The following PXMP2 variants were observed in gnomAD, a reference collection of about 807,000 sequenced individuals.
PXMP2 encodes the protein 22 kDa peroxisomal membrane protein.
A neutral mutation model predicts 20.2 loss-of-function variants in PXMP2; 13 were observed. The observed-to-expected ratio is 0.64, with a 90% CI of 0.42 to 1.02. The LOEUF is 1.02. PXMP2 is among the 50% of genes least tolerant of loss of function. The pLI, the probability that PXMP2 is intolerant of heterozygous loss-of-function variation, is 0.00. For missense variants in PXMP2, 284 were observed against 251.8 expected, an observed-to-expected ratio of 1.13 and a Z score of -0.87; for synonymous variants, 113 against 111.2, an observed-to-expected ratio of 1.02 and a Z score of -0.10.
intron 1 of PXMP2, chr12:132,688,012 GCGTGGAGGGCCCGCCCAGAC>G (rs2136054611): frequency 3.3e-6 from 1 of 307,026 alleles, no homozygotes; most frequent in East Asian, 1.1e-4. Flanking sequence ...CCCTCCCAGC[GCGTGGAGGGCCCGCCCAGAC>G]CCGGGGGTCG....
At chr12:132,703,275 A>G (rs2043452718) in intron 4 of PXMP2, among the ~76,000 whole-genome samples, 1 of 152,192 alleles carries the variant, frequency 6.6e-6, no homozygotes, top group African/African-American at 2.4e-5. Context: ...TCTATTTTAT[A>G]AAAATGAATT....
intron 4 of PXMP2, 60 bp downstream of exon 4, chr12:132,701,429 CTT>C: frequency 1.3e-6 from 2 of 1,584,036 alleles, no homozygotes; most frequent in Non-Finnish European, 1.7e-6. Flanking sequence ...TCCTTCCTTC[CTT>C]CCTTCCTCTT....
At chr12:132,701,488 T>G in intron 4 of PXMP2, 119 bp downstream of exon 4, 2 of 1,381,248 alleles carry the variant, frequency 1.4e-6, no homozygotes, top group Non-Finnish European at 1.9e-6. Context: ...CTTCTTTCTT[T>G]GGTAGTTTTC....
At chr12:132,692,880 CAGTT>C (rs1490852134) in intron 2 of PXMP2, among the ~76,000 whole-genome samples, 3 of 97,908 alleles carry the variant, frequency 3.1e-5, no homozygotes, top group Non-Finnish European at 6.7e-5. Context: ...GCTCCCTTGC[CAGTT>C]AGTTAGTGAG....
intron 3 of PXMP2, among the ~76,000 whole-genome samples, chr12:132,700,625 A>G (rs1336498869): frequency 1.3e-5 from 2 of 152,026 alleles, no homozygotes; most frequent in African/African-American, 4.8e-5. Context: ...CAGGCTGTAG[A>G]CTGTCTGTTG....
chr12:132,690,264 G>C lies in PXMP2; in HGVS notation c.124G>C (p.Gly42Arg), dbSNP rs2043358235. ...YPVLTKAATSGILSALGNFLA... is the reference protein window; with the variant it reads ...YPVLTKAATSRILSALGNFLA... ...TTCTGATGACCTCCCTCTCCACAGT[G>C]GCATTTTGTCAGCACTTGGGAACTT... Residue 42 changes from glycine (G) to arginine (R), a missense_variant and splice_region_variant, in exon 2 of 5, where the codon GGC (glycine) becomes CGC (arginine). By Grantham distance (125) the Gly-to-Arg change is moderately radical (BLOSUM62 -2). Coordinates refer to ENST00000317479, the MANE Select transcript of PXMP2 (RefSeq NM_018663.3). 2 of 1,612,834 alleles carry C rather than the reference G, an allele frequency of 1.2e-6. No individual in the cohort carries two copies.
At chr12:132,690,054 C>T (rs1353482797) in intron 1 of PXMP2, among the ~76,000 whole-genome samples, 1 of 152,226 alleles carries the variant, frequency 6.6e-6, no homozygotes, top group Non-Finnish European at 1.5e-5. Flanking sequence ...GACATAGATA[C>T]TGGAAAGCCA....
rs2043310484 is a variant in PXMP2 at position 132,687,605 on chromosome 12, C to G, written c.-66C>G. ...GGTCCCCACTCCGCTCTCGGCGCCT[C>G]GGGCTCCGCGCCCGGCCAGCCTGAG... On this transcript the variant is annotated 5_prime_UTR_variant, in exon 1 of 5. Transcript: ENST00000317479. 1 of 1,164,928 alleles carries G rather than the reference C, an allele frequency of 8.6e-7. No homozygotes were observed. Among genetic ancestry groups the G allele is most frequent in the East Asian group, 3.8e-5 (1 of 26,004 alleles). The allele number at this position is 1,164,928 out of a possible 1,614,324, so 72.2% of individuals were successfully genotyped here.
At chr12:132,690,214 C>T in intron 1 of PXMP2, 49 bp from the exon 2 acceptor site, 2 of 1,466,318 alleles carry the variant, frequency 1.4e-6, no homozygotes, top group Non-Finnish European at 1.9e-6. Flanking sequence ...GGGAAAGGGA[C>T]ACCCTCCTGC....
intron 3 of PXMP2, among the ~76,000 whole-genome samples, chr12:132,699,526 C>CTTTTTT (rs67730658): frequency 8.0e-5 from 8 of 100,508 alleles, no homozygotes; most frequent in African/African-American, 2.4e-4. Context: ...AAAAGACATG[C>CTTTTTT]TTTTTTTTTT....
intron 1 of PXMP2, 47 bp from the exon 2 acceptor site, chr12:132,690,216 C>A (rs1184984576): frequency 6.7e-7 from 1 of 1,486,136 alleles, no homozygotes; most frequent in Non-Finnish European, 9.4e-7. Context: ...GAAAGGGACA[C>A]CCTCCTGCTG....
chr12:132,693,749 CTCCCTTA>C (rs2043388371), intron 2 of PXMP2, among the ~76,000 whole-genome samples: 2 of 131,556 alleles, frequency 1.5e-5, no homozygotes, highest in Non-Finnish European at 3.4e-5. Context: ...AGTTAGTGAG[CTCCCTTA>C]GCCAGTTAGT....
chr12:132,697,996 G>A (rs1008883333), intron 3 of PXMP2, among the ~76,000 whole-genome samples: 3 of 150,804 alleles, frequency 2.0e-5, no homozygotes, highest in East Asian at 2.0e-4. Context: ...TGTGCTGTGT[G>A]TCTGAGACGT....
At chr12:132,694,368 C>CAGTTAGTGAGCGCCCTTGCCAGTT (rs1277695880) in intron 2 of PXMP2, among the ~76,000 whole-genome samples, 2 of 48,454 alleles carry the variant, frequency 4.1e-5, no homozygotes, top group East Asian at 4.2e-4. Context: ...GCGCCCTTGC[C>CAGTTAGTGAGCGCCCTTGCCAGTT]AGTTAGTGAG....
At chr12:132,698,767 C>T (rs1186228673) in intron 3 of PXMP2, among the ~76,000 whole-genome samples, 2 of 152,174 alleles carry the variant, frequency 1.3e-5, no homozygotes, top group East Asian at 3.9e-4. Context: ...GCTGGGACAA[C>T]AGGCGCCCAC....
At chr12:132,697,511 G>A (rs552837815) in intron 3 of PXMP2, among the ~76,000 whole-genome samples, 2 of 151,710 alleles carry the variant, frequency 1.3e-5, no homozygotes, top group African/African-American at 2.4e-5. Context: ...GGGTTCAAAC[G>A]ATTCTCCTGC....
At chr12:132,689,495 G>A (rs1401366352) in intron 1 of PXMP2, among the ~76,000 whole-genome samples, 1 of 152,166 alleles carries the variant, frequency 6.6e-6, no homozygotes, top group African/African-American at 2.4e-5. Context: ...TCCCGAGGGA[G>A]GGAAGATCTG....
rs755862265 is a variant in PXMP2, at chr12:132,695,867, C to G, written c.237-17C>G. ...CCAGAGAACCACAATCTGGCTCACA[C>G]CCCCTGGGGGCCTCAGGTTCTTCTT... On this transcript the variant is annotated splice_polypyrimidine_tract_variant and intron_variant, in intron 2 of 4. Transcript: ENST00000317479. 3 of 1,594,276 alleles carry G rather than the reference C, an allele frequency of 1.9e-6. No homozygotes were observed. Among genetic ancestry groups the G allele is most frequent in the Non-Finnish European group, 2.6e-6 (3 of 1,168,186 alleles).
chr12:132,691,990 CAGTT>C (rs547133119), intron 2 of PXMP2, among the ~76,000 whole-genome samples: 186 of 152,116 alleles, frequency 1.2e-3, no homozygotes, highest in Non-Finnish European at 1.0e-3. Flanking sequence ...GCTCCCTTGC[CAGTT>C]AGTTAGTGAG....
Sources: allele counts gnomAD v4.1 joint callset (sites outside exome capture counted in the v4.1 genomes callset), GRCh38; gene constraint gnomAD v4.1.1; transcripts MANE v1.5; gene names NCBI Gene and HGNC (gene_info 2026-07-23, HGNC 2026-07-21).